MEF2C: variants seen among roughly 807,000 people sequenced by gnomAD.
MEF2C encodes the protein myocyte enhancer factor 2C.
A neutral mutation model predicts 50.5 loss-of-function variants in MEF2C; 6 were observed. The ratio of observed to expected loss-of-function variants is 0.12; its 90% confidence interval spans 0.07 to 0.23. The LOEUF (loss-of-function observed/expected upper bound fraction) is 0.23. Ranked by LOEUF, MEF2C falls within the 10% of genes least tolerant of loss-of-function variation. The pLI is 1.00. For synonymous variants in MEF2C, 183 were observed against 228.0 expected, an observed-to-expected ratio of 0.80 and a Z score of 1.78; for missense variants, 276 against 605.0, an observed-to-expected ratio of 0.46 and a Z score of 5.70.
chr5:88,739,461 T>C lies in MEF2C; in HGVS notation c.638-7560A>G, dbSNP rs984988356. On this transcript the variant is annotated intron_variant, in intron 6 of 10. Transcript: ENST00000504921. ...ATTTTATATTTTAGTTTTTAAAGTTTTAAGATTAAAAGTTAGTTTCCAATA... is the reference window on the plus strand; with the variant it reads ...ATTTTATATTTTAGTTTTTAAAGTTCTAAGATTAAAAGTTAGTTTCCAATA... The C allele has an allele frequency of 8.3e-6, 8 of 964,276 alleles. No individual in the cohort carries two copies. In the Admixed American group the frequency reaches 3.1e-4, roughly 37 times the overall value. The allele number at this position is 964,276 out of a possible 1,614,324, so 59.7% of individuals were successfully genotyped here.
chr5:88,830,496 G>T (rs569236500), intron 1 of MEF2C, among the ~76,000 whole-genome samples: 2 of 152,084 alleles, frequency 1.3e-5, no homozygotes, highest in African/African-American at 4.8e-5. Context: ...TTTAATAACT[G>T]TGAGGGAAGC....
At chr5:88,809,447 C>A (rs1801875994) in intron 2 of MEF2C, among the ~76,000 whole-genome samples, 1 of 152,132 alleles carries the variant, frequency 6.6e-6, no homozygotes, top group Admixed American at 6.6e-5. Flanking sequence ...GTGCTAGGTA[C>A]TGTGGCTTCC....
At chr5:88,833,458 ATC>A (rs777330168) in intron 1 of MEF2C, among the ~76,000 whole-genome samples, 4 of 152,136 alleles carry the variant, frequency 2.6e-5, no homozygotes, top group African/African-American at 7.2e-5. Context: ...GGAAAAAAAA[ATC>A]TGTAGAGAAA....
chr5:88,880,092 T>C (rs1832348040), intron 1 of MEF2C, among the ~76,000 whole-genome samples: 1 of 152,082 alleles, frequency 6.6e-6, no homozygotes, highest in Non-Finnish European at 1.5e-5. Flanking sequence ...AGGACGGGGA[T>C]CTTAATTACC....
chr5:88,891,529 A>C (rs1834576113), intron 1 of MEF2C, among the ~76,000 whole-genome samples: 1 of 151,046 alleles, frequency 6.6e-6, no homozygotes, highest in Non-Finnish European at 1.5e-5. Context: ...CAGCCTCCCG[A>C]GTAGCTGGGA....
At chr5:88,857,687 G>A (rs1420193842) in intron 1 of MEF2C, among the ~76,000 whole-genome samples, 1 of 152,130 alleles carries the variant, frequency 6.6e-6, no homozygotes, top group Non-Finnish European at 1.5e-5. Context: ...TTTATAAGGG[G>A]CTTACTCCTT....
At chr5:88,841,390 C>T (rs996976901) in intron 1 of MEF2C, among the ~76,000 whole-genome samples, 5 of 151,770 alleles carry the variant, frequency 3.3e-5, no homozygotes, top group Non-Finnish European at 7.4e-5. Flanking sequence ...GCCTGGAGTA[C>T]CAGCTACTCA....
At position 88,717,269 on chromosome 5, in the gene MEF2C, C is replaced by T. The variant is rs1261892722; in HGVS notation, c.*5335G>A. 2.0e-5 allele frequency: 3 copies of T among 152,268 alleles called. No individual in the cohort carries two copies. Among genetic ancestry groups the T allele is most frequent in the Non-Finnish European group, 1.5e-5 (1 of 68,096 alleles). The allele number at this position is 152,268 out of a possible 1,614,324, so 9.4% of individuals were successfully genotyped here. The stretch of plus-strand genomic sequence containing the variant: ...CATCCCCTTCTGGGCCTTTCTCAAT[C>T]CTGCCCACCTTCAAAATCAAGTGAA... On this transcript the variant is annotated 3_prime_UTR_variant, in exon 11 of 11. Coordinates refer to ENST00000504921, the MANE Select transcript of MEF2C (RefSeq NM_002397.5).
intron 1 of MEF2C, among the ~76,000 whole-genome samples, chr5:88,858,781 AT>A (rs1399907251): frequency 6.6e-6 from 1 of 152,218 alleles, no homozygotes; most frequent in Non-Finnish European, 1.5e-5. Flanking sequence ...GCATTAAGGA[AT>A]AAAAAACGCT....
chr5:88,794,149 G>A (rs1562070320), intron 3 of MEF2C, among the ~76,000 whole-genome samples: 1 of 152,004 alleles, frequency 6.6e-6, no homozygotes, highest in African/African-American at 2.4e-5. Context: ...TACTCCTTTG[G>A]GTATATACCC....
At chr5:88,739,595 A>G in intron 6 of MEF2C, 1 of 985,192 alleles carries the variant, frequency 1.0e-6, no homozygotes, top group Admixed American at 6.1e-5. Flanking sequence ...ACTGGAAGTG[A>G]CAGTTGAAAA....
At chr5:88,832,329 A>T (rs1488940999) in intron 1 of MEF2C, among the ~76,000 whole-genome samples, 2 of 152,108 alleles carry the variant, frequency 1.3e-5, no homozygotes, top group African/African-American at 2.4e-5. Context: ...TGCATTTAGA[A>T]GTTGGGCTTA....
chr5:88,723,255 C>T (rs925585005), intron 10 of MEF2C, among the ~76,000 whole-genome samples: 2 of 152,208 alleles, frequency 1.3e-5, no homozygotes, highest in African/African-American at 4.8e-5. Flanking sequence ...TGTTCATGGA[C>T]TCTATCCCTA....
intron 6 of MEF2C, chr5:88,737,007 G>A: frequency 1.0e-6 from 1 of 984,930 alleles, no homozygotes; most frequent in Non-Finnish European, 1.2e-6. Context: ...TGCAATTAGT[G>A]GCAGCGATAA....
rs745534524 is a variant in MEF2C at position 88,722,736 on chromosome 5, C to G, written c.1290G>C (p.Ser430=). Residue 430 remains serine (S), a synonymous_variant, in exon 11 of 11, where the codon TCG becomes TCC. Coordinates refer to ENST00000504921, the MANE Select transcript of MEF2C (RefSeq NM_002397.5). ...PVDSLSSCSS[S]YDGSDREDHR... is the part of the protein sequence containing the mutation. ...GATCCTCTCGGTCGCTCCCGTCGTA[C>G]GAACTGCTACAGCTGCTCAAGCTGT... 6.2e-7 allele frequency: 1 copy of G among 1,613,838 alleles called. No homozygotes were observed. The highest frequency in any genetic ancestry group is 8.5e-7 in the Non-Finnish European group (1 of 1,179,886).
chr5:88,760,855 C>G (rs1777526255), intron 4 of MEF2C: 3 of 978,692 alleles, frequency 3.1e-6, no homozygotes, highest in African/African-American at 3.3e-5. Context: ...TCTAAATGAG[C>G]TGCCCGTGGG....
Position 88,751,820 on chromosome 5 carries a change from A to T in MEF2C, c.589+37T>A, listed in dbSNP as rs376159246. On this transcript the variant is annotated intron_variant, in intron 5 of 10. Transcript: ENST00000504921. ...GGCTTTGCCGAAAATGGTTCCTTCC[A>T]ACTATTTGTTAGCATTACATCCTTA... 1.8e-5 allele frequency: 28 copies of T among 1,597,568 alleles called. No homozygotes were observed. The African/African-American group carries it at 2.3e-4, about 13-fold the overall frequency.
intron 3 of MEF2C, among the ~76,000 whole-genome samples, chr5:88,763,091 C>T (rs935107721): frequency 1.3e-5 from 2 of 152,136 alleles, no homozygotes; most frequent in African/African-American, 4.8e-5. Flanking sequence ...ATCTGGGATA[C>T]ACAGTGGCTC....
upstream of MEF2C, among the ~76,000 whole-genome samples, chr5:88,884,799 C>G: frequency 9.2e-6 from 1 of 109,286 alleles, no homozygotes; most frequent in South Asian, 3.0e-4. Context: ...CTTTTCCTTA[C>G]AAAAAAAAAA....
Sources: allele counts gnomAD v4.1 joint callset (sites outside exome capture counted in the v4.1 genomes callset), GRCh38; gene constraint gnomAD v4.1.1; transcripts MANE v1.5; gene names NCBI Gene and HGNC (gene_info 2026-07-23, HGNC 2026-07-21).